The following CADM2 variants were observed in gnomAD, a reference collection of about 807,000 sequenced individuals.
CADM2 encodes the protein cell adhesion molecule 2, also known as immunoglobulin superfamily member 4D.
CADM2 carries 12 observed loss-of-function variants against 49.8 expected under a neutral mutation model. That is an observed-to-expected ratio of 0.24 (90% CI 0.15 to 0.39). CADM2 has a LOEUF of 0.39. CADM2 is among the 10% of genes least tolerant of loss of function. The pLI, the probability that CADM2 is intolerant of heterozygous loss-of-function variation, is 1.00. For synonymous variants in CADM2, 214 were observed against 175.4 expected, an observed-to-expected ratio of 1.22 and a Z score of -1.74; for missense variants, 378 against 492.3, an observed-to-expected ratio of 0.77 and a Z score of 2.20.
chr3:85,133,288 A>G (rs1207366662), intron 1 of CADM2, among the ~76,000 whole-genome samples: 2 of 152,150 alleles, frequency 1.3e-5, no homozygotes, highest in African/African-American at 2.4e-5. Context: ...TTATTCTCTT[A>G]TCTGGCCCCA....
chr3:85,581,340 G>A (rs1027999036), intron 1 of CADM2, among the ~76,000 whole-genome samples: 4 of 150,622 alleles, frequency 2.7e-5, no homozygotes, highest in African/African-American at 9.8e-5. Flanking sequence ...AGACCTACGG[G>A]AATAAAAACA....
At chr3:85,390,279 T>A (rs2034455190) in intron 1 of CADM2, among the ~76,000 whole-genome samples, 1 of 152,090 alleles carries the variant, frequency 6.6e-6, no homozygotes, top group African/African-American at 2.4e-5. Context: ...CAAAAAGACA[T>A]AACCTTTAAA....
intron 8 of CADM2, among the ~76,000 whole-genome samples, chr3:86,000,835 A>C (rs1013385815): frequency 5.1e-4 from 78 of 152,134 alleles, no homozygotes; most frequent in Admixed American, 4.3e-3. Flanking sequence ...TTGAGTTTTT[A>C]TCCTAGGAGT....
At chr3:85,868,549 A>G (rs1368710322) in intron 3 of CADM2, among the ~76,000 whole-genome samples, 2 of 152,110 alleles carry the variant, frequency 1.3e-5, no homozygotes, top group East Asian at 1.9e-4. Flanking sequence ...TTCTATTGCA[A>G]TATCATGTGG....
chr3:85,405,699 A>G (rs896289494), intron 1 of CADM2, among the ~76,000 whole-genome samples: 2 of 152,014 alleles, frequency 1.3e-5, no homozygotes, highest in African/African-American at 2.4e-5. Flanking sequence ...AAAAGCTCCT[A>G]GTTTTTTTTT....
intron 1 of CADM2, among the ~76,000 whole-genome samples, chr3:85,237,616 A>C (rs912367925): frequency 6.6e-6 from 1 of 151,612 alleles, no homozygotes; most frequent in African/African-American, 2.4e-5. Context: ...ATTATGTTGT[A>C]TGGATAGTAC....
intron 8 of CADM2, among the ~76,000 whole-genome samples, chr3:85,985,036 A>C (rs962588045): frequency 6.6e-6 from 1 of 152,018 alleles, no homozygotes; most frequent in Non-Finnish European, 1.5e-5. Flanking sequence ...CAACATTTTA[A>C]GATGTGTACT....
At chr3:85,696,194 A>C (rs1227622051) in intron 1 of CADM2, among the ~76,000 whole-genome samples, 1 of 151,780 alleles carries the variant, frequency 6.6e-6, no homozygotes, top group Non-Finnish European at 1.5e-5. Context: ...GTTTGCAAAT[A>C]TTTTCTCCCA....
At chr3:85,687,542 A>G (rs1344891237) in intron 1 of CADM2, among the ~76,000 whole-genome samples, 1 of 152,218 alleles carries the variant, frequency 6.6e-6, no homozygotes, top group Non-Finnish European at 1.5e-5. Flanking sequence ...GAGAAAATAA[A>G]AGACATTAGG....
intron 1 of CADM2, among the ~76,000 whole-genome samples, chr3:85,662,609 G>A (rs2065443682): frequency 6.6e-6 from 1 of 152,022 alleles, no homozygotes; most frequent in African/African-American, 2.4e-5. Context: ...CTCTGCAAAT[G>A]ATACTTTTGT....
intron 1 of CADM2, among the ~76,000 whole-genome samples, chr3:85,472,274 A>C (rs1009387715): frequency 1.3e-5 from 2 of 152,024 alleles, no homozygotes; most frequent in Non-Finnish European, 1.5e-5. Flanking sequence ...TGCCAAATAA[A>C]TAAATATTCA....
intron 1 of CADM2, among the ~76,000 whole-genome samples, chr3:85,504,147 G>A (rs895846086): frequency 1.3e-5 from 2 of 152,064 alleles, no homozygotes; most frequent in Admixed American, 6.6e-5. Context: ...CTGATGTTCA[G>A]ATGTGTTCGG....
At chr3:85,940,698 G>T (rs1296056535) in intron 7 of CADM2, among the ~76,000 whole-genome samples, 2 of 152,040 alleles carry the variant, frequency 1.3e-5, no homozygotes, top group Admixed American at 6.6e-5. Flanking sequence ...TGCCTAAGGT[G>T]TCATACTTTG....
intron 1 of CADM2, among the ~76,000 whole-genome samples, chr3:85,434,881 G>A (rs1396380020): frequency 1.3e-5 from 2 of 151,852 alleles, no homozygotes; most frequent in Admixed American, 6.6e-5. Context: ...TTTGACTGTT[G>A]GTAATTTTTA....
At chr3:85,060,586 T>C (rs1025672871) in intron 1 of CADM2, among the ~76,000 whole-genome samples, 2 of 152,224 alleles carry the variant, frequency 1.3e-5, no homozygotes, top group African/African-American at 4.8e-5. Context: ...ATACAAATCA[T>C]TAATTGAAAA....
chr3:85,592,908 T>C (rs1470684094), intron 1 of CADM2, among the ~76,000 whole-genome samples: 1 of 151,874 alleles, frequency 6.6e-6, no homozygotes, highest in Non-Finnish European at 1.5e-5. Context: ...TCTGTGTCCA[T>C]GTATTCTCAT....
At chr3:85,489,685 C>CA (rs532114655) in intron 1 of CADM2, among the ~76,000 whole-genome samples, 1,238 of 114,586 alleles carry the variant, frequency 0.011, 12 homozygotes, top group South Asian at 0.021. Flanking sequence ...CAAAACGAAA[C>CA]AAAAAAAAAA....
intron 1 of CADM2, among the ~76,000 whole-genome samples, chr3:85,026,602 A>G (rs1472982571): frequency 2.0e-5 from 3 of 152,284 alleles, no homozygotes; most frequent in African/African-American, 7.2e-5. Flanking sequence ...AGTATAGTAA[A>G]TTGAATTTTA....
chr3:85,132,640 A>ATTT (rs529056112), intron 1 of CADM2, among the ~76,000 whole-genome samples: 16 of 144,150 alleles, frequency 1.1e-4, no homozygotes, highest in African/African-American at 3.8e-4. Context: ...ATATATATAT[A>ATTT]TATTTAGTCA....
Sources: allele counts gnomAD v4.1 joint callset (sites outside exome capture counted in the v4.1 genomes callset), GRCh38; gene constraint gnomAD v4.1.1; transcripts MANE v1.5; gene names NCBI Gene and HGNC (gene_info 2026-07-23, HGNC 2026-07-21).